The following EYS variants were observed in gnomAD, a reference collection of about 807,000 sequenced individuals.
EYS encodes EGF-like photoreceptor maintenance factor.
Under a neutral mutation model 282.1 loss-of-function variants are expected in EYS, and 250 were observed. The ratio of observed to expected loss-of-function variants is 0.89; its 90% CI spans 0.80 to 0.98. The LOEUF (loss-of-function observed/expected upper bound fraction) is 0.98. Among genes scored for constraint, EYS ranks in the 50% least tolerant of loss-of-function variants. The pLI is 0.00. For synonymous variants in EYS, 1,355 were observed against 1,282.9 expected, an observed-to-expected ratio of 1.06 and a Z score of -1.20; for missense variants, 4,016 against 3,709.0, an observed-to-expected ratio of 1.08 and a Z score of -2.15.
At chr6:65,672,235 C>T (rs1768415444) in intron 1 of EYS, among the ~76,000 whole-genome samples, 1 of 152,052 alleles carries the variant, frequency 6.6e-6, no homozygotes, top group Non-Finnish European at 1.5e-5. Context: ...TGTTTACTTG[C>T]TAGTCTCAGA....
chr6:65,614,686 G>T (rs1293287398), intron 2 of EYS, among the ~76,000 whole-genome samples: 1 of 152,026 alleles, frequency 6.6e-6, no homozygotes, highest in Non-Finnish European at 1.5e-5. Context: ...GATAGAGAAA[G>T]TGGTTGCATC....
chr6:63,736,217 T>C (rs1768909666), intron 41 of EYS, among the ~76,000 whole-genome samples: 1 of 152,222 alleles, frequency 6.6e-6, no homozygotes, highest in Admixed American at 6.5e-5. Flanking sequence ...TTTATGGTTT[T>C]AGGTCTAACG....
chr6:65,576,462 A>C (rs1481537850), intron 2 of EYS, among the ~76,000 whole-genome samples: 1 of 151,998 alleles, frequency 6.6e-6, no homozygotes, highest in Admixed American at 6.6e-5. Flanking sequence ...AAAAGCCCAT[A>C]GCTAACATTA....
At chr6:64,092,101 A>G (rs1582255812) in intron 31 of EYS, among the ~76,000 whole-genome samples, 1 of 152,202 alleles carries the variant, frequency 6.6e-6, no homozygotes, top group Non-Finnish European at 1.5e-5. Flanking sequence ...TTATGGCTGC[A>G]TAGTGTTCCA....
Position 64,436,269 on chromosome 6 carries a change from T to C in EYS, c.5836-4A>G, listed in dbSNP as rs569870900. 1.9e-5 allele frequency: 29 copies of C among 1,525,310 alleles called. No individual in the cohort carries two copies. The East Asian group carries it at 3.2e-4, about 17-fold the overall frequency. The allele number at this position is 1,525,310 out of a possible 1,614,324, so 94.5% of individuals were successfully genotyped here. A position where few individuals can be genotyped will look rare whatever the true frequency, so the allele number is the denominator to read the frequency against. On this transcript the variant is annotated splice_region_variant and splice_polypyrimidine_tract_variant and intron_variant, in intron 27 of 42. Coordinates refer to ENST00000503581, the MANE Select transcript of EYS (RefSeq NM_001142800.2). Reference sequence around the variant, plus strand: ...CACCAGGACAGTAAAAGTGGTACTGTTGGGGGAAAAAATTTTGTCCTCAAA... The same window carrying C: ...CACCAGGACAGTAAAAGTGGTACTGCTGGGGGAAAAAATTTTGTCCTCAAA...
At chr6:65,258,529 G>A (rs1767533406) in intron 12 of EYS, among the ~76,000 whole-genome samples, 2 of 152,006 alleles carry the variant, frequency 1.3e-5, no homozygotes, top group Non-Finnish European at 2.9e-5. Flanking sequence ...TGTAGTATAT[G>A]TCACAAGCTG....
At chr6:63,831,922 C>T (rs1023685115) in intron 36 of EYS, among the ~76,000 whole-genome samples, 10 of 152,132 alleles carry the variant, frequency 6.6e-5, no homozygotes, top group East Asian at 1.9e-4. Context: ...TCACTCAAAA[C>T]GGCTCAACTA....
intron 12 of EYS, among the ~76,000 whole-genome samples, chr6:65,231,813 G>A (rs1174847112): frequency 6.6e-6 from 1 of 151,676 alleles, no homozygotes; most frequent in Non-Finnish European, 1.5e-5. Flanking sequence ...GCAGTCATAT[G>A]ATTTAAAAAC....
intron 1 of EYS, among the ~76,000 whole-genome samples, chr6:65,681,418 A>C (rs1768814325): frequency 6.6e-6 from 1 of 152,038 alleles, no homozygotes; most frequent in African/African-American, 2.4e-5. Context: ...CTTTGAAGAA[A>C]AATTTAAGTG....
At position 65,533,626 on chromosome 6, in the gene EYS, C is replaced by G. The variant is rs996892296; in HGVS notation, c.-332-37633G>C. ...GGGGAGATGATTAGGTTAGAGGCCT[C>G]TGTCCTAATGAATAAGTGCCTTTAT... On this transcript the variant is annotated intron_variant, in intron 2 of 42. Transcript: ENST00000503581. Among the ~76,000 whole-genome samples the G allele has an allele frequency of 3.3e-5, 5 of 152,192 alleles. No homozygotes were observed. The South Asian group carries it at 1.0e-3, about 32-fold the overall frequency.
At chr6:65,356,220 C>T (rs1215553070) in intron 8 of EYS, among the ~76,000 whole-genome samples, 1 of 151,944 alleles carries the variant, frequency 6.6e-6, no homozygotes, top group Non-Finnish European at 1.5e-5. Context: ...AAAACAGCAA[C>T]AACAAAAACT....
chr6:64,261,789 T>C (rs1247473207), intron 30 of EYS, among the ~76,000 whole-genome samples: 2 of 15,340 alleles, frequency 1.3e-4, no homozygotes, highest in Non-Finnish European at 3.5e-4. Flanking sequence ...GTTATTTTGT[T>C]TTTTTTTTTT....
intron 30 of EYS, among the ~76,000 whole-genome samples, chr6:64,242,960 A>G (rs1173341507): frequency 6.8e-6 from 1 of 146,654 alleles, no homozygotes; most frequent in Non-Finnish European, 1.5e-5. Flanking sequence ...TTATATATAC[A>G]ATATATAAAT....
chr6:64,122,147 T>C (rs921732589), intron 31 of EYS, among the ~76,000 whole-genome samples: 4 of 152,128 alleles, frequency 2.6e-5, no homozygotes, highest in Admixed American at 6.5e-5. Flanking sequence ...GCACTTCAAG[T>C]GCATTTAATT....
At chr6:64,527,133 TACA>T (rs1377264308) in intron 26 of EYS, among the ~76,000 whole-genome samples, 1 of 151,816 alleles carries the variant, frequency 6.6e-6, no homozygotes, top group Non-Finnish European at 1.5e-5. Context: ...AGGAAATAAC[TACA>T]ACAAGTTCAA....
At chr6:65,201,563 T>A (rs1057156225) in intron 12 of EYS, among the ~76,000 whole-genome samples, 1 of 152,212 alleles carries the variant, frequency 6.6e-6, no homozygotes, top group African/African-American at 2.4e-5. Context: ...CATCTTATGC[T>A]AATGTATAAC....
At chr6:65,562,059 A>G (rs1489545130) in intron 2 of EYS, among the ~76,000 whole-genome samples, 1 of 151,580 alleles carries the variant, frequency 6.6e-6, no homozygotes, top group Non-Finnish European at 1.5e-5. Context: ...GTATATAATA[A>G]TTACAGAAAA....
At chr6:64,795,686 T>C (rs1774333719) in intron 22 of EYS, among the ~76,000 whole-genome samples, 1 of 152,208 alleles carries the variant, frequency 6.6e-6, no homozygotes, top group Admixed American at 6.5e-5. Flanking sequence ...TTGTTCTTGA[T>C]TTAATACAAT....
intron 34 of EYS, among the ~76,000 whole-genome samples, chr6:63,993,519 T>C (rs1200886114): frequency 6.6e-6 from 1 of 151,898 alleles, no homozygotes; most frequent in Non-Finnish European, 1.5e-5. Context: ...ATTACATTTC[T>C]ATAGACTAAC....
Sources: allele counts gnomAD v4.1 joint callset (sites outside exome capture counted in the v4.1 genomes callset), GRCh38; gene constraint gnomAD v4.1.1; transcripts MANE v1.5; gene names NCBI Gene and HGNC (gene_info 2026-07-23, HGNC 2026-07-21).